The following RUNX1T1 variants were observed in gnomAD, a reference collection of about 807,000 sequenced individuals.
RUNX1T1 encodes the protein RUNX1 partner transcriptional co-repressor 1.
A neutral mutation model predicts 62.8 loss-of-function variants in RUNX1T1; 4 were observed. That is an observed-to-expected ratio of 0.06 (90% CI 0.03 to 0.15). The LOEUF (loss-of-function observed/expected upper bound fraction) is 0.15, where lower values mean the gene tolerates loss of function less well. RUNX1T1 is among the 10% of genes least tolerant of loss of function. The pLI is 1.00. For synonymous variants in RUNX1T1, 291 were observed against 286.0 expected (o/e 1.02, Z -0.18); for missense variants, 508 against 754.3 (o/e 0.67, Z 3.82).
At chr8:91,962,940 G>C (rs1810828273) in intron 10 of RUNX1T1, among the ~76,000 whole-genome samples, 1 of 152,184 alleles carries the variant, frequency 6.6e-6, no homozygotes. Context: ...GGCTCCTTCA[G>C]ATTGAAATCA....
intron 1 of RUNX1T1, among the ~76,000 whole-genome samples, chr8:92,054,958 T>C (rs540813123): frequency 3.3e-5 from 5 of 152,198 alleles, no homozygotes; most frequent in South Asian, 2.1e-4. Context: ...TGAGCCAAGA[T>C]TGCGCCACTG....
intron 2 of RUNX1T1, among the ~76,000 whole-genome samples, chr8:92,070,563 T>A (rs548964551): frequency 1.3e-5 from 2 of 152,092 alleles, no homozygotes; most frequent in African/African-American, 2.4e-5. Context: ...AATTATTATA[T>A]ATGTTTTACT....
At chr8:92,060,755 A>T (rs1227344560) in intron 1 of RUNX1T1, among the ~76,000 whole-genome samples, 1 of 152,196 alleles carries the variant, frequency 6.6e-6, no homozygotes, top group African/African-American at 2.4e-5. Flanking sequence ...AGCTAAAAAC[A>T]TATTTAGAGG....
At chr8:92,081,905 A>G (rs1835332081) in intron 1 of RUNX1T1, among the ~76,000 whole-genome samples, 1 of 151,754 alleles carries the variant, frequency 6.6e-6, no homozygotes, top group Non-Finnish European at 1.5e-5. Flanking sequence ...TATTTATTTG[A>G]GATGGAGTCT....
chr8:91,966,741 TC>T (rs1442244060), intron 10 of RUNX1T1, among the ~76,000 whole-genome samples: 3 of 152,292 alleles, frequency 2.0e-5, no homozygotes, highest in Middle Eastern at 3.4e-3. Context: ...AAATATATAA[TC>T]CACTGGGAAA....
chr8:92,017,385 A>T, intron 1 of RUNX1T1, 22 bp from the exon 3 acceptor site: 1 of 1,614,052 alleles, frequency 6.2e-7, no homozygotes, highest in Non-Finnish European at 8.5e-7. Flanking sequence ...CACCAGGAAC[A>T]TATTATTTTA....
intron 4 of RUNX1T1, among the ~76,000 whole-genome samples, chr8:92,009,001 C>G (rs751611342): frequency 6.6e-6 from 1 of 152,146 alleles, no homozygotes; most frequent in African/African-American, 2.4e-5. Flanking sequence ...GGCTCCTAAC[C>G]TCATGTTTAA....
chr8:92,003,318 G>C (rs1286351467), intron 5 of RUNX1T1: 1 of 456,166 alleles, frequency 2.2e-6, no homozygotes, highest in Admixed American at 2.3e-5. Flanking sequence ...ACTGTGCAAG[G>C]ATAGTCAAAA....
intron 1 of RUNX1T1, among the ~76,000 whole-genome samples, chr8:92,043,086 G>A (rs983338957): frequency 2.6e-5 from 4 of 152,038 alleles, no homozygotes; most frequent in Admixed American, 1.3e-4. Context: ...ATGTCTTATT[G>A]GTTATAAAGT....
intron 1 of RUNX1T1, among the ~76,000 whole-genome samples, chr8:92,022,570 C>T (rs544446875): frequency 8.5e-5 from 13 of 152,286 alleles, no homozygotes; most frequent in Admixed American, 6.5e-5. Context: ...CACTTTTGCC[C>T]TTCCATCTCT....
chr8:92,078,834 T>A (rs1266983947), intron 1 of RUNX1T1, among the ~76,000 whole-genome samples: 1 of 152,240 alleles, frequency 6.6e-6, no homozygotes, highest in Admixed American at 6.5e-5. Flanking sequence ...AATACTTTTT[T>A]GATCAATCTT....
At chr8:92,062,646 G>C (rs1832246645) in exon 1 of RUNX1T1, 3 of 1,613,942 alleles carry the variant, frequency 1.9e-6, no homozygotes. Flanking sequence ...AGTGGCAGCA[G>C]AGAGGAGGGC....
At chr8:91,957,022 C>T (rs1224157828), downstream of RUNX1T1, 2 of 215,848 alleles carry the variant, frequency 9.3e-6, no homozygotes, top group African/African-American at 4.6e-5. Flanking sequence ...CTGTCACACA[C>T]AGTCTCATGA....
At chr8:92,063,072 A>C, upstream of RUNX1T1, 1 of 512,274 alleles carries the variant, frequency 2.0e-6, no homozygotes, top group Non-Finnish European at 2.6e-6. Context: ...TCATCTTCTC[A>C]TTTTCATAGC....
chr8:91,978,539 C>A (rs1814490099), intron 8 of RUNX1T1, among the ~76,000 whole-genome samples: 1 of 152,070 alleles, frequency 6.6e-6, no homozygotes, highest in East Asian at 1.9e-4. Context: ...AGAACAAAGC[C>A]ATTGAAGAAG....
chr8:92,056,764 GCTT>G (rs1415089236), intron 1 of RUNX1T1, among the ~76,000 whole-genome samples: 1 of 152,096 alleles, frequency 6.6e-6, no homozygotes, highest in East Asian at 1.9e-4. Context: ...CAAAAAACGT[GCTT>G]TTTTTTAGCT....
chr8:91,992,073 C>T (rs1817788284), intron 5 of RUNX1T1, among the ~76,000 whole-genome samples, 184 bp from the exon 7 acceptor site: 1 of 152,154 alleles, frequency 6.6e-6, no homozygotes, highest in South Asian at 2.1e-4. Context: ...TAAATGATCA[C>T]AAGCCTGCAG....
intron 6 of RUNX1T1, 116 bp from the exon 8 acceptor site, chr8:91,987,088 T>C (rs1336792247): frequency 2.7e-6 from 2 of 732,406 alleles, no homozygotes; most frequent in Non-Finnish European, 4.9e-6. Flanking sequence ...CGTTTGATTT[T>C]GGATGGAGAC....
At chr8:91,978,686 C>T (rs1262021524) in intron 8 of RUNX1T1, among the ~76,000 whole-genome samples, 4 of 152,172 alleles carry the variant, frequency 2.6e-5, no homozygotes, top group Non-Finnish European at 4.4e-5. Flanking sequence ...TCTTAGATGA[C>T]ACTTTCAAAA....
Sources: gnomAD v4.1 joint callset for allele counts (sites outside exome capture counted in the v4.1 genomes callset) on GRCh38, gnomAD v4.1.1 for gene constraint, MANE v1.5 for transcripts, NCBI Gene and HGNC (gene_info 2026-07-23, HGNC 2026-07-21) for gene names.